Variants in RORB observed in about 807,000 individuals in gnomAD.
RORB encodes the protein nuclear receptor ROR-beta.
In RORB, 6 loss-of-function variants were observed where a neutral mutation model predicts 59.1. That is an observed-to-expected ratio of 0.10 (90% CI 0.06 to 0.20). RORB has a LOEUF of 0.20. RORB is among the 10% of genes least tolerant of loss of function. The pLI is 1.00. For synonymous variants in RORB, 215 were observed against 204.5 expected (o/e 1.05, Z -0.44); for missense variants, 320 against 560.5 (o/e 0.57, Z 4.33).
chr9:74,592,058 G>A (rs2118291126), intron 1 of RORB, among the ~76,000 whole-genome samples: 1 of 152,216 alleles, frequency 6.6e-6, no homozygotes, highest in East Asian at 1.9e-4. Context: ...GTAGATGACT[G>A]TTTACAATGG....
At chr9:74,683,019 A>G (rs949424041) in intron 9 of RORB, among the ~76,000 whole-genome samples, 12 of 152,222 alleles carry the variant, frequency 7.9e-5, no homozygotes, top group Non-Finnish European at 1.0e-4. Context: ...TCAAACATGG[A>G]GTCTGAGCTT....
intron 1 of RORB, among the ~76,000 whole-genome samples, chr9:74,554,958 A>G (rs1027174483): frequency 6.6e-6 from 1 of 152,216 alleles, no homozygotes; most frequent in Non-Finnish European, 1.5e-5. Flanking sequence ...GTGTCTGTGT[A>G]CAGAAGAGGA....
At chr9:74,567,096 C>T (rs1056697751) in intron 1 of RORB, among the ~76,000 whole-genome samples, 2 of 151,576 alleles carry the variant, frequency 1.3e-5, no homozygotes, top group African/African-American at 4.9e-5. Flanking sequence ...GGCGTGATCT[C>T]GGCTCACTAC....
intron 1 of RORB, among the ~76,000 whole-genome samples, chr9:74,558,419 T>C (rs970813220): frequency 5.9e-5 from 9 of 152,194 alleles, no homozygotes; most frequent in African/African-American, 2.2e-4. Context: ...ACTACCTTTT[T>C]AACTTAGTTC....
intron 1 of RORB, among the ~76,000 whole-genome samples, chr9:74,617,802 C>T (rs1002475587): frequency 6.6e-6 from 1 of 152,142 alleles, no homozygotes. Flanking sequence ...AATGAGAATA[C>T]TTTCCTTTAA....
At chr9:74,507,322 A>G (rs1175725789) in intron 1 of RORB, among the ~76,000 whole-genome samples, 1 of 152,142 alleles carries the variant, frequency 6.6e-6, no homozygotes, top group African/African-American at 2.4e-5. Context: ...ATTAAAAAGC[A>G]ATTTAAAGAC....
chr9:74,525,787 AC>A (rs897196011), intron 1 of RORB, among the ~76,000 whole-genome samples: 5 of 151,922 alleles, frequency 3.3e-5, no homozygotes, highest in African/African-American at 9.7e-5. Context: ...AAATTCAGGA[AC>A]CCTTTGCGTC....
At chr9:74,509,367 A>G (rs1417180774) in intron 1 of RORB, among the ~76,000 whole-genome samples, 5 of 151,974 alleles carry the variant, frequency 3.3e-5, no homozygotes, top group Non-Finnish European at 7.4e-5. Flanking sequence ...AAACAAATAG[A>G]TCTCCTTTTA....
intron 1 of RORB, among the ~76,000 whole-genome samples, chr9:74,585,393 A>G (rs1399657964): frequency 6.6e-6 from 1 of 152,254 alleles, no homozygotes; most frequent in Non-Finnish European, 1.5e-5. Flanking sequence ...GTTGAGTAAC[A>G]TATTCTATAT....
At chr9:74,601,088 T>C (rs754943929) in intron 1 of RORB, among the ~76,000 whole-genome samples, 3 of 152,270 alleles carry the variant, frequency 2.0e-5, no homozygotes, top group African/African-American at 2.4e-5. Context: ...GAGATAGGCA[T>C]GCTCATGCAA....
At chr9:74,615,250 G>A (rs1823293341) in intron 1 of RORB, among the ~76,000 whole-genome samples, 1 of 152,164 alleles carries the variant, frequency 6.6e-6, no homozygotes, top group Admixed American at 6.5e-5. Context: ...TTTCCAAAAG[G>A]ATGAAAACAA....
chr9:74,596,055 A>G (rs67145914), intron 1 of RORB, among the ~76,000 whole-genome samples: 46,909 of 152,094 alleles, frequency 0.31, 7,422 homozygotes, highest in Non-Finnish European at 0.35. Context: ...TGAACAAAAA[A>G]TGCAAGTCAC....
intron 1 of RORB, chr9:74,499,098 C>G (rs1459947121): frequency 6.5e-6 from 1 of 152,844 alleles, no homozygotes; most frequent in Non-Finnish European, 1.5e-5. Context: ...CACCCCCACT[C>G]CCAGTCCCTC....
chr9:74,665,632 C>A, intron 7 of RORB, 37 bp downstream of exon 7: 1 of 1,279,616 alleles, frequency 7.8e-7, no homozygotes, highest in Non-Finnish European at 1.1e-6. Context: ...ATTTTATTAG[C>A]CACCATCAGT....
chr9:74,506,684 C>T (rs1032684784), intron 1 of RORB, among the ~76,000 whole-genome samples: 15 of 152,088 alleles, frequency 9.9e-5, no homozygotes, highest in Admixed American at 2.6e-4. Context: ...CCATTTGAAA[C>T]TTGCAGGCAG....
chr9:74,652,938 A>G (rs763739591), intron 4 of RORB, among the ~76,000 whole-genome samples: 2 of 152,242 alleles, frequency 1.3e-5, no homozygotes, highest in Non-Finnish European at 2.9e-5. Flanking sequence ...AAGCTTAAAT[A>G]TATCAATGGT....
intron 1 of RORB, among the ~76,000 whole-genome samples, chr9:74,608,658 G>A (rs1823187563): frequency 6.7e-6 from 1 of 148,428 alleles, no homozygotes; most frequent in Non-Finnish European, 1.5e-5. Context: ...ATAAATAGAA[G>A]TACTGTTGGG....
intron 1 of RORB, among the ~76,000 whole-genome samples, chr9:74,519,867 A>G (rs1020041185): frequency 2.6e-5 from 4 of 152,010 alleles, no homozygotes; most frequent in African/African-American, 9.7e-5. Context: ...AGCTGTGCCC[A>G]CTAGTCCCGT....
intron 1 of RORB, among the ~76,000 whole-genome samples, chr9:74,509,308 TTA>T (rs1775190934): frequency 1.3e-5 from 2 of 152,124 alleles, no homozygotes; most frequent in South Asian, 2.1e-4. Flanking sequence ...AGTAAATTTT[TTA>T]TCTTTCCATA....
Sources: allele counts gnomAD v4.1 joint callset (sites outside exome capture counted in the v4.1 genomes callset), GRCh38; gene constraint gnomAD v4.1.1; transcripts MANE v1.5; gene names NCBI Gene and HGNC (gene_info 2026-07-23, HGNC 2026-07-21).